The following RIGI variants were observed in gnomAD, a reference collection of about 807,000 sequenced individuals.
RIGI encodes antiviral innate immune response receptor RIG-I.
the RIGI span, among the ~76,000 whole-genome samples, chr9:32,509,380 G>T: frequency 2.6e-5 from 4 of 152,168 alleles, no homozygotes; most frequent in African/African-American, 9.7e-5. Context: ...GTGCCCCTCT[G>T]GGAGGAAGCT....
the RIGI span, among the ~76,000 whole-genome samples, chr9:32,513,416 T>C: frequency 3.9e-5 from 6 of 152,152 alleles, no homozygotes; most frequent in African/African-American, 1.4e-4. Context: ...TCATCAGAAA[T>C]AATGCCACAC....
At chr9:32,517,628 T>C in the RIGI span, among the ~76,000 whole-genome samples, 64 of 152,360 alleles carry the variant, frequency 4.2e-4, no homozygotes, top group African/African-American at 1.5e-3. Flanking sequence ...TAATTTGAGG[T>C]ATCAGAGTTT....
chr9:32,473,013 C>A, the RIGI span: 1 of 1,610,206 alleles, frequency 6.2e-7, no homozygotes, highest in Non-Finnish European at 8.5e-7. Flanking sequence ...AGTCAATATG[C>A]CAGGTTTTAG....
chr9:32,475,498 T>C, the RIGI span, among the ~76,000 whole-genome samples: 2 of 151,662 alleles, frequency 1.3e-5, no homozygotes, highest in Non-Finnish European at 1.5e-5. Context: ...CAGAAACAGA[T>C]CCATGCAAAT....
the RIGI span, chr9:32,480,112 C>G: frequency 7.7e-7 from 1 of 1,297,414 alleles, no homozygotes; most frequent in Non-Finnish European, 1.1e-6. Context: ...AGGACAACTC[C>G]CTAAGCATCC....
At chr9:32,476,808 G>C in the RIGI span, among the ~76,000 whole-genome samples, 1 of 152,068 alleles carries the variant, frequency 6.6e-6, no homozygotes, top group African/African-American at 2.4e-5. Flanking sequence ...TTTTTTAAGA[G>C]ATGAGGTCTC....
the RIGI span, among the ~76,000 whole-genome samples, chr9:32,510,737 A>ATAT: frequency 6.6e-6 from 1 of 152,194 alleles, no homozygotes; most frequent in South Asian, 2.1e-4. Context: ...ACACATAACA[A>ATAT]TATTAACCTT....
the RIGI span, among the ~76,000 whole-genome samples, chr9:32,517,309 C>T: frequency 6.6e-6 from 1 of 152,178 alleles, no homozygotes; most frequent in East Asian, 1.9e-4. Flanking sequence ...GTTGTAGATT[C>T]GTGAGTTTGT....
chr9:32,457,307 C>T, the RIGI span: 9 of 1,613,926 alleles, frequency 5.6e-6, no homozygotes, highest in South Asian at 8.8e-5. Flanking sequence ...TTCTGTCGGG[C>T]ACAGAATATC....
At chr9:32,467,745 C>T in the RIGI span, 2 of 1,556,136 alleles carry the variant, frequency 1.3e-6, no homozygotes, top group Non-Finnish European at 1.7e-6. Context: ...TAGGAATGGC[C>T]TCAAAGCTTC....
At chr9:32,461,655 G>A in the RIGI span, among the ~76,000 whole-genome samples, 10 of 152,044 alleles carry the variant, frequency 6.6e-5, no homozygotes, top group Admixed American at 3.3e-4. Flanking sequence ...GCCCATCACC[G>A]TTGCCTCTTC....
At chr9:32,487,998 T>A in the RIGI span, 254 of 1,614,114 alleles carry the variant, frequency 1.6e-4, 3 homozygotes, top group South Asian at 2.7e-3. Flanking sequence ...TAATTAAACA[T>A]GATCATATTG....
chr9:32,477,603 C>G, the RIGI span, among the ~76,000 whole-genome samples: 2 of 152,102 alleles, frequency 1.3e-5, no homozygotes, highest in African/African-American at 4.8e-5. Context: ...AAGGTAAGGA[C>G]AGTATGTTCA....
the RIGI span, chr9:32,488,870 CAA>C: frequency 6.2e-7 from 1 of 1,605,524 alleles, no homozygotes; most frequent in Admixed American, 1.7e-5. Flanking sequence ...AGCAGTGAAA[CAA>C]AGGTTTTTCC....
chr9:32,489,662 A>G, the RIGI span, among the ~76,000 whole-genome samples: 2 of 63,856 alleles, frequency 3.1e-5, no homozygotes, highest in Non-Finnish European at 4.6e-5. Context: ...GGCAAGAAAG[A>G]AAAAAAAAAA....
At chr9:32,462,627 T>C in the RIGI span, among the ~76,000 whole-genome samples, 1 of 151,944 alleles carries the variant, frequency 6.6e-6, no homozygotes, top group Admixed American at 6.5e-5. Flanking sequence ...CAGGCTGGTC[T>C]TGAACTCCTG....
At chr9:32,524,715 T>C in the RIGI span, among the ~76,000 whole-genome samples, 17 of 148,626 alleles carry the variant, frequency 1.1e-4, no homozygotes, top group Non-Finnish European at 1.5e-4. Context: ...CGATTTTCAT[T>C]CCTCAGCCTC....
the RIGI span, among the ~76,000 whole-genome samples, chr9:32,504,974 T>G: frequency 7.3e-6 from 1 of 136,134 alleles, no homozygotes; most frequent in African/African-American, 2.7e-5. Flanking sequence ...TATTCTATAT[T>G]ATATATCATA....
the RIGI span, among the ~76,000 whole-genome samples, chr9:32,498,982 CAAAAA>C: frequency 6.1e-5 from 6 of 97,628 alleles, no homozygotes; most frequent in Non-Finnish European, 4.0e-5. Context: ...GACTCTGTCT[CAAAAA>C]AAAAAAAAAA....
Sources: gnomAD v4.1 joint callset for allele counts (sites outside exome capture counted in the v4.1 genomes callset) on GRCh38, gnomAD v4.1.1 for gene constraint, MANE v1.5 for transcripts, NCBI Gene and HGNC (gene_info 2026-07-23, HGNC 2026-07-21) for gene names.